PLEKHA6: variants seen among roughly 807,000 people sequenced by gnomAD.
PLEKHA6 encodes pleckstrin homology domain containing A6.
A neutral mutation model predicts 116.7 loss-of-function variants in PLEKHA6; 60 were observed. That is an observed-to-expected ratio of 0.51 (90% CI 0.42 to 0.64). PLEKHA6 has a LOEUF of 0.64. PLEKHA6 is among the 30% of genes least tolerant of loss of function. The pLI, the probability that PLEKHA6 is intolerant of heterozygous loss-of-function variation, is 0.00. For missense variants in PLEKHA6, 1,338 were observed against 1,422.7 expected, an observed-to-expected ratio of 0.94 and a Z score of 0.96; for synonymous variants, 489 against 556.1, an observed-to-expected ratio of 0.88 and a Z score of 1.70.
intron 1 of PLEKHA6, among the ~76,000 whole-genome samples, chr1:204,332,283 C>G (rs1672481789): frequency 6.6e-6 from 1 of 152,224 alleles, no homozygotes; most frequent in Admixed American, 6.5e-5. Context: ...CCTCCCACCT[C>G]CCCACACTCA....
chr1:204,341,573 G>A (rs1672847978), intron 1 of PLEKHA6, among the ~76,000 whole-genome samples: 1 of 152,160 alleles, frequency 6.6e-6, no homozygotes, highest in South Asian at 2.1e-4. Flanking sequence ...GCTTCTAAGG[G>A]TGCACCACAG....
upstream of PLEKHA6, among the ~76,000 whole-genome samples, chr1:204,364,472 C>A (rs767646100): frequency 5.9e-5 from 9 of 152,174 alleles, no homozygotes; most frequent in South Asian, 4.1e-4. Context: ...TACGAAGAAC[C>A]AGTTTTCCCA....
chr1:204,273,671 G>T lies in PLEKHA6; in HGVS notation c.57C>A (p.Asn19Lys). Residue 19 changes from asparagine (N) to lysine (K), a missense_variant, in exon 3 of 23, where the codon AAC becomes AAA. Asn to Lys is a moderately conservative substitution (Grantham distance 94, BLOSUM62 0). Around this residue, in one of 3 missense-constraint regions of PLEKHA6, gnomAD observed 62 missense variants for 61.7 expected, o/e 1.01. Coordinates refer to ENST00000272203, the MANE Select transcript of PLEKHA6 (RefSeq NM_014935.5). Reference protein sequence around the residue: ...RPATTNSDIPNHNMVSEVPPE... With the variant: ...RPATTNSDIPKHNMVSEVPPE... ...GAGGGACCTCGGACACCATGTTGTG[G>T]TTGGGTATGTCACTGTTGGTGGTAG... is the stretch of plus-strand genomic sequence containing the variant. 3.1e-6 allele frequency: 5 copies of T among 1,614,178 alleles called. No homozygotes were observed. The highest frequency in any genetic ancestry group is 4.2e-6 in the Non-Finnish European group (5 of 1,180,008).
At chr1:204,344,024 C>T (rs1383449581) in intron 1 of PLEKHA6, among the ~76,000 whole-genome samples, 1 of 152,084 alleles carries the variant, frequency 6.6e-6, no homozygotes, top group African/African-American at 2.4e-5. Flanking sequence ...CTCAGTGGTG[C>T]GTGCCTATAA....
rs574837225 is a variant in PLEKHA6 at position 204,265,595 on chromosome 1, C to T, written c.281-553G>A. ...GACCACTATCCTATCTATCCTGCCTCGCTAAATGAGACCATCCCAGCAGTG... is the reference window on the plus strand; with the variant it reads ...GACCACTATCCTATCTATCCTGCCTTGCTAAATGAGACCATCCCAGCAGTG... On this transcript the variant is annotated intron_variant, in intron 5 of 22. Transcript: ENST00000272203. Among the ~76,000 whole-genome samples, 24 of 152,350 alleles carry T rather than the reference C, an allele frequency of 1.6e-4. No homozygotes were observed. The South Asian group carries it at 2.7e-3, about 17-fold the overall frequency.
In PLEKHA6 at chr1:204,230,459, G is replaced by A. The variant is rs200862816; in HGVS notation, c.2537C>T (p.Pro846Leu). 2.3e-5 allele frequency: 37 copies of A among 1,581,342 alleles called. No individual in the cohort carries two copies. The highest frequency in any genetic ancestry group is 6.7e-5 in the African/African-American group (5 of 74,716). Residue 846 changes from proline (P) to leucine (L), a missense_variant, in exon 18 of 23, where the codon CCG (proline) becomes CTG (leucine). By Grantham distance (98) the Pro-to-Leu change is moderately conservative. Coordinates refer to ENST00000272203, the MANE Select transcript of PLEKHA6 (RefSeq NM_014935.5). ...MREKRRSLQLPASPAPDPSPR... is the reference protein window; with the variant it reads ...MREKRRSLQLLASPAPDPSPR... Reference sequence around the variant, plus strand: ...ACTGGGGTCGGGGGCCGGGCTGGCCGGGAGCTGCAGGCTCCTCCGCTTCTC... The same window carrying A: ...ACTGGGGTCGGGGGCCGGGCTGGCCAGGAGCTGCAGGCTCCTCCGCTTCTC...
chr1:204,295,763 C>T (rs527691533), intron 1 of PLEKHA6, among the ~76,000 whole-genome samples: 32 of 152,104 alleles, frequency 2.1e-4, no homozygotes, highest in African/African-American at 7.7e-4. Context: ...ACCCACAGCC[C>T]GAGAAGGAAA....
chr1:204,266,452 T>C (rs1666831715), intron 5 of PLEKHA6, among the ~76,000 whole-genome samples: 1 of 152,190 alleles, frequency 6.6e-6, no homozygotes, highest in African/African-American at 2.4e-5. Flanking sequence ...TTCCTCCAGT[T>C]TCATTCCCAC....
At chr1:204,340,469 C>T (rs142379414) in intron 1 of PLEKHA6, among the ~76,000 whole-genome samples, 33 of 152,256 alleles carry the variant, frequency 2.2e-4, no homozygotes, top group Non-Finnish European at 4.1e-4. Flanking sequence ...AGCACAACTG[C>T]GGAGAGGCAG....
chr1:204,362,507 C>T (rs1673580628), upstream of PLEKHA6, among the ~76,000 whole-genome samples: 1 of 152,192 alleles, frequency 6.6e-6, no homozygotes, highest in East Asian at 1.9e-4. Context: ...TGGCCACTAA[C>T]TTGACTGGCT....
intron 13 of PLEKHA6, among the ~76,000 whole-genome samples, chr1:204,246,860 G>A (rs1663763011): frequency 6.6e-6 from 1 of 152,194 alleles, no homozygotes; most frequent in African/African-American, 2.4e-5. Context: ...ATCCTGCTGG[G>A]CACAGTGGCT....
At chr1:204,367,691 C>T (rs1673689054) in intron 3 of PLEKHA6, 1 of 152,398 alleles carries the variant, frequency 6.6e-6, no homozygotes, top group Admixed American at 6.5e-5. Context: ...AATCACAGAC[C>T]CAGCAGTGCC....
At chr1:204,282,480 T>A (rs1189776770) in intron 1 of PLEKHA6, among the ~76,000 whole-genome samples, 3 of 151,614 alleles carry the variant, frequency 2.0e-5, no homozygotes, top group African/African-American at 7.3e-5. Context: ...CCCTGCCCCA[T>A]CTCTGGGCCA....
chr1:204,322,805 C>G (rs971012846), intron 1 of PLEKHA6, among the ~76,000 whole-genome samples: 2 of 152,216 alleles, frequency 1.3e-5, no homozygotes, highest in Non-Finnish European at 1.5e-5. Context: ...CTATCCTACT[C>G]CTTTTATTCT....
chr1:204,224,761 CT>C (rs1660102831), intron 21 of PLEKHA6, among the ~76,000 whole-genome samples: 3 of 152,228 alleles, frequency 2.0e-5, no homozygotes, highest in Non-Finnish European at 4.4e-5. Flanking sequence ...TGACCCAACA[CT>C]TGTAACTTCA....
intron 4 of PLEKHA6, 148 bp downstream of exon 4, chr1:204,268,060 G>T: frequency 1.8e-6 from 1 of 546,594 alleles, no homozygotes. Flanking sequence ...CAGTTTCTCT[G>T]AGCCTTTATA....
At chr1:204,269,123 C>T (rs1241215744) in intron 3 of PLEKHA6, among the ~76,000 whole-genome samples, 1 of 151,868 alleles carries the variant, frequency 6.6e-6, no homozygotes, top group African/African-American at 2.4e-5. Flanking sequence ...CTAACATCTT[C>T]ACTTCCAGGA....
At chr1:204,341,348 G>A (rs1365478559) in intron 1 of PLEKHA6, among the ~76,000 whole-genome samples, 1 of 152,206 alleles carries the variant, frequency 6.6e-6, no homozygotes, top group Admixed American at 6.5e-5. Context: ...TGGGGGAAAG[G>A]GTAGGGGCCC....
intron 1 of PLEKHA6, among the ~76,000 whole-genome samples, chr1:204,322,255 C>T (rs1358631276): frequency 2.0e-5 from 3 of 152,162 alleles, no homozygotes; most frequent in South Asian, 2.1e-4. Context: ...TCTCATGCTG[C>T]CCAATTTAAC....
Sources: allele counts gnomAD v4.1 joint callset (sites outside exome capture counted in the v4.1 genomes callset), GRCh38; gene constraint gnomAD v4.1.1; regional missense constraint gnomAD v4.1.1; transcripts MANE v1.5; gene names NCBI Gene and HGNC (gene_info 2026-07-23, HGNC 2026-07-21).